EIF2B3: variants seen among roughly 807,000 people sequenced by gnomAD.
EIF2B3 encodes translation initiation factor eIF2B subunit gamma.
In EIF2B3, 20 loss-of-function variants were observed where a neutral mutation model predicts 54.1. The ratio of observed to expected loss-of-function variants is 0.37; its 90% CI spans 0.26 to 0.54. EIF2B3 has a LOEUF of 0.54. Among genes scored for constraint, EIF2B3 ranks in the 20% least tolerant of loss-of-function variants. The pLI is 0.86. For missense variants in EIF2B3, 448 were observed against 547.8 expected (o/e 0.82, Z 1.82); for synonymous variants, 153 against 188.1 (o/e 0.81, Z 1.52).
intron 3 of EIF2B3, among the ~76,000 whole-genome samples, chr1:44,966,967 C>A (rs946424288): frequency 6.6e-6 from 1 of 151,856 alleles, no homozygotes; most frequent in African/African-American, 2.4e-5. Flanking sequence ...GAGCACACGC[C>A]ACTATGGCCA....
At chr1:44,962,438 T>C (rs544685042) in intron 3 of EIF2B3, among the ~76,000 whole-genome samples, 2 of 152,236 alleles carry the variant, frequency 1.3e-5, no homozygotes, top group Non-Finnish European at 2.9e-5. Flanking sequence ...TAGAGATGAG[T>C]TTCTCACTTT....
rs543784781 is a variant in EIF2B3 at position 44,944,546 on chromosome 1, T to C, written c.295-2881A>G. On this transcript the variant is annotated intron_variant, in intron 3 of 11. Transcript: ENST00000360403. ...AGTGTCTTGCACCTGTAAGCCAAGC[T>C]ACTCTGGAGGCTGAGGCAGGAGCAT... Among the ~76,000 whole-genome samples the C allele has an allele frequency of 4.0e-5, 6 of 150,902 alleles. No individual in the cohort carries two copies. In the East Asian group the frequency reaches 7.8e-4, roughly 20 times the overall value.
intron 5 of EIF2B3, among the ~76,000 whole-genome samples, chr1:44,897,796 G>A (rs1656026353): frequency 6.7e-6 from 1 of 150,010 alleles, no homozygotes; most frequent in Non-Finnish European, 1.5e-5. Flanking sequence ...GAGTGCAGTG[G>A]CGTGATCTCG....
intron 6 of EIF2B3, among the ~76,000 whole-genome samples, chr1:44,888,928 A>G (rs1336961472): frequency 1.3e-5 from 2 of 152,224 alleles, no homozygotes; most frequent in Non-Finnish European, 2.9e-5. Flanking sequence ...TGCAAGCACA[A>G]AATTAACTAT....
chr1:44,966,301 T>A (rs1330571670), intron 3 of EIF2B3, among the ~76,000 whole-genome samples: 1 of 151,440 alleles, frequency 6.6e-6, no homozygotes, highest in Non-Finnish European at 1.5e-5. Flanking sequence ...TGGCCAGGCG[T>A]GGTGGCGGGT....
intron 3 of EIF2B3, among the ~76,000 whole-genome samples, chr1:44,945,315 G>C (rs370702103): frequency 1.3e-5 from 2 of 151,816 alleles, no homozygotes; most frequent in Non-Finnish European, 2.9e-5. Context: ...AGCACTTTGG[G>C]AGGCCGAGGC....
intron 3 of EIF2B3, among the ~76,000 whole-genome samples, chr1:44,963,573 C>T (rs1644307538): frequency 6.6e-6 from 1 of 152,134 alleles, no homozygotes; most frequent in Non-Finnish European, 1.5e-5. Context: ...CCTGGCCAAC[C>T]AGGGAAGTCT....
intron 1 of EIF2B3, among the ~76,000 whole-genome samples, chr1:44,985,746 G>C (rs1644567400): frequency 2.0e-5 from 3 of 152,216 alleles, no homozygotes; most frequent in Non-Finnish European, 4.4e-5. Flanking sequence ...ACTGTCAAAT[G>C]CTCATGTCAC....
intron 6 of EIF2B3, among the ~76,000 whole-genome samples, chr1:44,882,426 T>C (rs1340187843): frequency 2.0e-5 from 3 of 152,040 alleles, no homozygotes; most frequent in Non-Finnish European, 2.9e-5. Flanking sequence ...CTGAGCTAAC[T>C]TTGGGAGAAA....
In EIF2B3 at chr1:44,881,849, T is replaced by C. The variant is rs1032231023; in HGVS notation, c.657-110A>G. On this transcript the variant is annotated intron_variant, in intron 6 of 11. Coordinates refer to ENST00000360403, the MANE Select transcript of EIF2B3 (RefSeq NM_020365.5). The surrounding 1 kb of genome is among the most constrained non-coding windows in gnomAD (Gnocchi z 4.0). ...CCAAATCCTTTCCTGTCATGGCACC[T>C]TGGGACTGTCAGAGATCAAATGTGG... 9 of 1,437,728 alleles carry C rather than the reference T, an allele frequency of 6.3e-6. No individual in the cohort carries two copies. The African/African-American group carries it at 1.1e-4, about 18-fold the overall frequency. 89.1% of individuals were successfully genotyped at this position (1,437,728 alleles called of 1,614,324 possible). A position where few individuals can be genotyped will look rare whatever the true frequency, so the allele number is the denominator to read the frequency against.
chr1:44,943,317 G>A (rs758217440), intron 3 of EIF2B3, among the ~76,000 whole-genome samples: 62 of 151,880 alleles, frequency 4.1e-4, no homozygotes, highest in Non-Finnish European at 7.9e-4. Context: ...GAGCCACCAC[G>A]CCTGGCCAAA....
chr1:44,924,723 T>TA (rs1254944952), intron 5 of EIF2B3, among the ~76,000 whole-genome samples: 2 of 152,166 alleles, frequency 1.3e-5, no homozygotes, highest in Non-Finnish European at 2.9e-5. Flanking sequence ...TCCTCTTTTT[T>TA]ATCATCTCAT....
chr1:44,869,538 A>C (rs1193376547), intron 10 of EIF2B3, among the ~76,000 whole-genome samples: 1 of 147,214 alleles, frequency 6.8e-6, no homozygotes, highest in East Asian at 2.0e-4. Flanking sequence ...CCTACAAGGT[A>C]GTTCAGTTTT....
chr1:44,956,675 T>G (rs61143867), intron 3 of EIF2B3, among the ~76,000 whole-genome samples: 1,619 of 152,208 alleles, frequency 0.011, 33 homozygotes, highest in African/African-American at 0.037. Context: ...AGCTTGGGAA[T>G]TTAGTATATG....
chr1:44,964,761 T>C (rs984197347), intron 3 of EIF2B3, among the ~76,000 whole-genome samples: 2 of 152,202 alleles, frequency 1.3e-5, no homozygotes, highest in Non-Finnish European at 2.9e-5. Context: ...AAGATTCCTG[T>C]CTAGATTAAA....
intron 10 of EIF2B3, among the ~76,000 whole-genome samples, chr1:44,864,427 T>A (rs1654706742): frequency 6.6e-6 from 1 of 152,020 alleles, no homozygotes; most frequent in Admixed American, 6.6e-5. Context: ...CCTGGCGTGA[T>A]GGTGTGTGCC....
At chr1:44,877,221 AACAC>A (rs1220414105) in intron 8 of EIF2B3, among the ~76,000 whole-genome samples, 2 of 150,366 alleles carry the variant, frequency 1.3e-5, no homozygotes, top group African/African-American at 4.9e-5. Context: ...AAAAAAAAAA[AACAC>A]CTTAGGTAGA....
intron 3 of EIF2B3, 77 bp from the exon 4 acceptor site, chr1:44,941,742 A>G (rs925753741): frequency 4.5e-6 from 7 of 1,552,024 alleles, no homozygotes; most frequent in South Asian, 1.1e-5. Context: ...CAAAATTAGG[A>G]TGGCTTAAAA....
rs1191002259 is a variant in EIF2B3, at chr1:44,926,706, G to A, written c.488C>T (p.Thr163Ile). 1 of 1,613,642 alleles carries A rather than the reference G, an allele frequency of 6.2e-7. No individual in the cohort carries two copies. Among genetic ancestry groups the A allele is most frequent in the African/African-American group, 1.3e-5 (1 of 74,926 alleles). The change falls in exon 5 of 12, where the codon ACA becomes ATA. Residue 163 changes from threonine (T) to isoleucine (I), a missense_variant. Thr to Ile is a moderately conservative substitution (Grantham distance 89, BLOSUM62 -1). Coordinates refer to ENST00000360403, the MANE Select transcript of EIF2B3 (RefSeq NM_020365.5). ...EQRDFIGVDS[T>I]GKRLLFMANE... ...AGCCATGAAGAGCAGCCTCTTTCCT[G>A]TGCTGTCCACTCCAATGAAGTCACG...
Sources: allele counts gnomAD v4.1 joint callset (sites outside exome capture counted in the v4.1 genomes callset), GRCh38; gene constraint gnomAD v4.1.1; non-coding constraint Gnocchi (gnomAD v3.1); transcripts MANE v1.5; gene names NCBI Gene and HGNC (gene_info 2026-07-23, HGNC 2026-07-21).